Variants in PDIA5 observed in about 807,000 individuals in gnomAD.
The protein encoded by PDIA5 is protein disulfide isomerase family A member 5.
A neutral mutation model predicts 77.6 loss-of-function variants in PDIA5; 58 were observed. The observed-to-expected ratio is 0.75, with a 90% CI of 0.61 to 0.93. The LOEUF (loss-of-function observed/expected upper bound fraction) is 0.93. Ranked by LOEUF, PDIA5 falls within the 40% of genes least tolerant of loss-of-function variation. The probability of loss-of-function intolerance (pLI) is 0.00; values close to 1 mark genes in which losing one functional copy is unlikely to be tolerated. For synonymous variants in PDIA5, 250 were observed against 252.1 expected (o/e 0.99, Z 0.08); for missense variants, 630 against 647.7 (o/e 0.97, Z 0.30).
chr3:123,137,338 G>T (rs1385905936), intron 11 of PDIA5, among the ~76,000 whole-genome samples: 2 of 152,118 alleles, frequency 1.3e-5, no homozygotes, highest in East Asian at 3.9e-4. Context: ...CATACACTTT[G>T]CTCATTTTTC....
In PDIA5 at chr3:123,130,559, G is replaced by A; in HGVS notation, c.853G>A (p.Asp285Asn). 1 of 1,614,142 alleles carries A rather than the reference G, an allele frequency of 6.2e-7. No homozygotes were observed. Among genetic ancestry groups the A allele is most frequent in the Non-Finnish European group, 8.5e-7 (1 of 1,179,988 alleles). ...GGSVYHLTDEDFDQFVKEHSS... is the reference protein window; with the variant it reads ...GGSVYHLTDENFDQFVKEHSS... ...CTCCGTTTATCACCTGACCGATGAA[G>A]ACTTTGACCAGTTTGTGAAGGAACA... The change falls in exon 11 of 17, where the codon GAC (aspartate) becomes AAC (asparagine). Residue 285 changes from aspartate to asparagine, a missense_variant. Transcript: ENST00000316218.
chr3:123,121,301 A>C (rs1935114168), intron 8 of PDIA5, among the ~76,000 whole-genome samples: 1 of 152,230 alleles, frequency 6.6e-6, no homozygotes, highest in Admixed American at 6.5e-5. Context: ...GGTTCCTGGC[A>C]GCAGGGCTGA....
At chr3:123,111,616 G>A (rs780788135) in intron 7 of PDIA5, among the ~76,000 whole-genome samples, 7 of 152,228 alleles carry the variant, frequency 4.6e-5, no homozygotes, top group Admixed American at 3.9e-4. Flanking sequence ...ACTGCAAGCC[G>A]GGTGAACTTG....
chr3:123,083,247 G>A (rs1934058296), intron 1 of PDIA5, among the ~76,000 whole-genome samples: 1 of 151,850 alleles, frequency 6.6e-6, no homozygotes. Flanking sequence ...TCTGTGAGGG[G>A]GTTTGGAGGT....
At chr3:123,157,748 C>T (rs1038823454) in intron 15 of PDIA5, among the ~76,000 whole-genome samples, 1 of 152,220 alleles carries the variant, frequency 6.6e-6, no homozygotes, top group African/African-American at 2.4e-5. Flanking sequence ...CACCCCCTCC[C>T]GGGAGCTTAC....
intron 8 of PDIA5, among the ~76,000 whole-genome samples, chr3:123,117,431 C>T (rs1935023981): frequency 7.8e-6 from 1 of 128,818 alleles, no homozygotes; most frequent in Admixed American, 8.0e-5. Flanking sequence ...CACTATGTTG[C>T]CCAGGTTGGA....
intron 2 of PDIA5, among the ~76,000 whole-genome samples, chr3:123,090,368 C>G (rs1934252454): frequency 6.6e-6 from 1 of 152,170 alleles, no homozygotes; most frequent in Non-Finnish European, 1.5e-5. Context: ...TTGGATACTC[C>G]CGGAGTTGGA....
chr3:123,106,856 G>A lies in PDIA5; in HGVS notation c.480+15G>A, dbSNP rs371354754. 4.9e-5 allele frequency: 77 copies of A among 1,563,490 alleles called. No homozygotes were observed. Among genetic ancestry groups the A allele is most frequent in the African/African-American group, 4.1e-4 (30 of 73,904 alleles). ...ACAGTGAAAAGGTAATGTATTCCCC[G>A]TCAGTTCTGATGGATGCTGGAAGCT... is the stretch of plus-strand genomic sequence containing the variant. On this transcript the variant is annotated intron_variant, in intron 6 of 16. Transcript: ENST00000316218.
intron 1 of PDIA5, among the ~76,000 whole-genome samples, chr3:123,084,991 CTTGGGCAGGCT>C (rs958672012): frequency 2.2e-4 from 34 of 152,166 alleles, no homozygotes; most frequent in African/African-American, 7.5e-4. Flanking sequence ...AGGCCAGGTC[CTTGGGCAGGCT>C]TTGAAGAGCC....
At chr3:123,072,065 T>C (rs1421042103) in intron 1 of PDIA5, among the ~76,000 whole-genome samples, 2 of 151,904 alleles carry the variant, frequency 1.3e-5, no homozygotes, top group African/African-American at 2.4e-5. Flanking sequence ...ATGGAGAGAC[T>C]TGATGAAAGC....
intron 6 of PDIA5, among the ~76,000 whole-genome samples, chr3:123,110,447 C>T (rs1934833414): frequency 2.0e-5 from 3 of 152,098 alleles, no homozygotes; most frequent in South Asian, 4.1e-4. Flanking sequence ...TGGGTTAACC[C>T]GTCTTCCCAC....
Position 123,162,104 on chromosome 3 carries a change from A to T in PDIA5, c.*144A>T. On this transcript the variant is annotated 3_prime_UTR_variant, in exon 17 of 17. Coordinates refer to ENST00000316218, the MANE Select transcript of PDIA5 (RefSeq NM_006810.4). ...ATTTTGAAATAAAATTAAACCATTT[A>T]TTTGGTGGTATGGTTTATTTTCGTG... is the stretch of plus-strand genomic sequence containing the variant. 1.6e-6 allele frequency: 1 copy of T among 638,478 alleles called. No homozygotes were observed. The highest frequency in any genetic ancestry group is 2.8e-6 in the Non-Finnish European group (1 of 354,606). 39.6% of individuals were successfully genotyped at this position (638,478 alleles called of 1,614,324 possible).
At position 123,092,404 on chromosome 3, in the gene PDIA5, G is replaced by A. The variant is rs139086659; in HGVS notation, c.219G>A (p.Ala73=). 5.6e-4 allele frequency: 900 copies of A among 1,613,616 alleles called. No individual in the cohort carries two copies. The highest frequency in any genetic ancestry group is 7.2e-4 in the Non-Finnish European group (845 of 1,179,806). ...GGTTACTGTCCACAGTGGCCCAGGC[G>A]GTGAAAGGACAAGGGACCATCTGCT... ...HLRLLSTVAQ[A]VKGQGTICWV... The change falls in exon 3 of 17, where the codon GCG becomes GCA. Residue 73 remains alanine, a synonymous_variant. Coordinates refer to ENST00000316218, the MANE Select transcript of PDIA5 (RefSeq NM_006810.4).
chr3:123,112,064 C>T (rs1421796958), intron 7 of PDIA5, among the ~76,000 whole-genome samples: 1 of 152,164 alleles, frequency 6.6e-6, no homozygotes, highest in Non-Finnish European at 1.5e-5. Context: ...GTAACAGAGA[C>T]GGCGTGGCCT....
intron 1 of PDIA5, among the ~76,000 whole-genome samples, chr3:123,084,410 T>C (rs2107914358): frequency 6.6e-6 from 1 of 151,846 alleles, no homozygotes; most frequent in East Asian, 1.9e-4. Context: ...CACTCTCTTT[T>C]CTTTAGAAGT....
chr3:123,111,432 C>T (rs1228980514), intron 7 of PDIA5, among the ~76,000 whole-genome samples: 1 of 152,264 alleles, frequency 6.6e-6, no homozygotes, highest in Non-Finnish European at 1.5e-5. Flanking sequence ...CTCCCGCATC[C>T]TCTGCTGGCA....
intron 12 of PDIA5, 91 bp from the exon 13 acceptor site, chr3:123,146,008 G>T: frequency 8.1e-7 from 1 of 1,238,744 alleles, no homozygotes; most frequent in South Asian, 1.4e-5. Context: ...GCAGGTCCAG[G>T]ATGGGTTGTG....
At chr3:123,120,011 C>T (rs1214355489) in intron 8 of PDIA5, among the ~76,000 whole-genome samples, 3 of 152,282 alleles carry the variant, frequency 2.0e-5, no homozygotes, top group Admixed American at 6.5e-5. Flanking sequence ...TGACTCATCG[C>T]GTCTGTCCCA....
intron 8 of PDIA5, among the ~76,000 whole-genome samples, chr3:123,117,430 GC>G (rs1331396348): frequency 1.7e-5 from 2 of 116,438 alleles, no homozygotes; most frequent in African/African-American, 6.5e-5. Context: ...TCACTATGTT[GC>G]CCAGGTTGGA....
Sources: allele counts gnomAD v4.1 joint callset (sites outside exome capture counted in the v4.1 genomes callset), GRCh38; gene constraint gnomAD v4.1.1; transcripts MANE v1.5; gene names NCBI Gene and HGNC (gene_info 2026-07-23, HGNC 2026-07-21).